Variants in PSG3 observed in about 807,000 individuals in gnomAD.
PSG3 encodes the protein pregnancy specific beta-1-glycoprotein 3.
PSG3 carries 61 observed loss-of-function variants against 47.5 expected under a neutral mutation model. The observed-to-expected ratio is 1.28, with a 90% CI of 1.05 to 1.59. The LOEUF is 1.59. Among genes scored for constraint, PSG3 ranks in the 40% most tolerant of loss-of-function variants. PSG3 has a pLI of 0.00. For synonymous variants in PSG3, 263 were observed against 198.4 expected (o/e 1.33, Z -2.74); for missense variants, 756 against 524.0 (o/e 1.44, Z -4.32).
chr19:42,740,432 C>A lies in PSG3; in HGVS notation c.-48G>T, dbSNP rs1367876829. ...TCCTCTGTGGAGCTGAGCCTAGGAT[C>A]CAGAAACTTCCTGAGCATGGCTCTC... On this transcript the variant is annotated 5_prime_UTR_variant, in exon 1 of 7. Coordinates refer to ENST00000327495, the MANE Select transcript of PSG3 (RefSeq NM_021016.4). 6.2e-7 allele frequency: 1 copy of A among 1,613,574 alleles called. No individual in the cohort carries two copies. Among genetic ancestry groups the A allele is most frequent in the Non-Finnish European group, 8.5e-7 (1 of 1,179,798 alleles).
rs112420536 is a variant in PSG3 at position 42,721,886 on chromosome 19, T to G, written c.*245A>C. 1,319 of 415,138 alleles carry G rather than the reference T, an allele frequency of 3.2e-3. 6 individuals carry two copies. The highest frequency in any genetic ancestry group is 0.011 in the African/African-American group (557 of 48,820). 25.7% of individuals were successfully genotyped at this position (415,138 alleles called of 1,614,324 possible). Reference sequence around the variant, plus strand: ...ACTATTTAGTCCAATAAAATTGGGTTTTTTTCTTTGTCTTGAATTTCATGA... The same window carrying G: ...ACTATTTAGTCCAATAAAATTGGGTGTTTTTCTTTGTCTTGAATTTCATGA... On this transcript the variant is annotated 3_prime_UTR_variant, in exon 7 of 7. Transcript: ENST00000327495.
rs772450674 is a variant in PSG3 at position 42,738,806 on chromosome 19, G to T, written c.348C>A (p.Asp116Glu). ...SLLIQNVTRE[D>E]AGSYTLHIVK... ...CGATGTGTAAGGTGTAGGATCCTGC[G>T]TCCTCCCGGGTGACATTCTGGATCA... The change falls in exon 2 of 7, where the codon GAC (aspartate) becomes GAA (glutamate). Residue 116 changes from aspartate to glutamate, a missense_variant. Transcript: ENST00000327495. 11 of 1,614,066 alleles carry T rather than the reference G, an allele frequency of 6.8e-6. No homozygotes were observed. In the Admixed American group the frequency reaches 1.2e-4, roughly 17 times the overall value.
At chr19:42,722,461 A>G (rs1469969248) in intron 6 of PSG3, among the ~76,000 whole-genome samples, 1 of 152,132 alleles carries the variant, frequency 6.6e-6, no homozygotes, top group Non-Finnish European at 1.5e-5. Flanking sequence ...TCACCGTGTT[A>G]GCCAGGATGG....
chr19:42,724,185 GT>G (rs551827884), intron 5 of PSG3, among the ~76,000 whole-genome samples, 160 bp from the exon 6 acceptor site: 76 of 151,624 alleles, frequency 5.0e-4, no homozygotes, highest in Middle Eastern at 3.4e-3. Context: ...TATTCTTGCA[GT>G]TTTTTTTTCC....
At chr19:42,729,653 G>A (rs372093941) in intron 4 of PSG3, 125 bp downstream of exon 4, 131 of 1,544,862 alleles carry the variant, frequency 8.5e-5, no homozygotes, top group East Asian at 5.8e-4. Context: ...GGAAGTTATG[G>A]CCAGCTCGGA....
rs748536866 is a variant in PSG3 at position 42,729,352 on chromosome 19, G to T, written c.1014C>A (p.Tyr338Ter). The T allele has an allele frequency of 1.9e-6, 3 of 1,613,912 alleles. No individual in the cohort carries two copies. The change falls in exon 5 of 7, where the codon TAC becomes TAA. Residue 338 changes from tyrosine to a stop codon, truncating the protein, a stop_gained. Transcript: ENST00000327495. LOFTEE classifies it high-confidence loss of function. ...VLYGPDLPRIYPSFTYYHSGE... is the reference protein window; with the variant it reads ...VLYGPDLPRI ...CTGAATGGTAATAGGTGAATGAAGG[G>T]TAAATTCTGGGGAGGTCTGGACCAT...
intron 5 of PSG3, among the ~76,000 whole-genome samples, chr19:42,725,846 C>T (rs1424187827): frequency 1.4e-5 from 2 of 142,196 alleles, no homozygotes; most frequent in African/African-American, 2.8e-5. Flanking sequence ...CCTGGGCTGG[C>T]CTACAGAGTG....
Position 42,729,196 on chromosome 19 carries a change from C to T in PSG3, c.1170G>A (p.Gly390=). 4 of 1,613,970 alleles carry T rather than the reference C, an allele frequency of 2.5e-6. No individual in the cohort carries two copies. The highest frequency in any genetic ancestry group is 1.7e-6 in the Non-Finnish European group (2 of 1,179,864). The change falls in exon 5 of 7, where the codon GGG becomes GGA. Residue 390 remains glycine, a synonymous_variant. Transcript: ENST00000327495. ...AGTTACGAACAGAGCAAGCATAGAG[C>T]CCGCTATGCTTTGTAGTAATCTGGG... is the stretch of plus-strand genomic sequence containing the variant. ...FIPQITTKHS[G]LYACSVRNSA... is the part of the protein sequence containing the mutation.
chr19:42,733,229 A>G (rs1308706403), intron 2 of PSG3, among the ~76,000 whole-genome samples, 167 bp from the exon 3 acceptor site: 2 of 152,116 alleles, frequency 1.3e-5, no homozygotes, highest in Non-Finnish European at 2.9e-5. Flanking sequence ...CTGAGGGCTC[A>G]GAGATTGTGA....
chr19:42,731,606 A>ATTAT (rs1218771481), intron 3 of PSG3, among the ~76,000 whole-genome samples: 4 of 151,918 alleles, frequency 2.6e-5, no homozygotes, highest in Admixed American at 2.6e-4. Flanking sequence ...TGTGGCAGTC[A>ATTAT]TTAATAAGAG....
chr19:42,737,973 C>T (rs1364377811), intron 2 of PSG3, among the ~76,000 whole-genome samples: 1 of 152,232 alleles, frequency 6.6e-6, no homozygotes, highest in African/African-American at 2.4e-5. Context: ...CATGAGAAAG[C>T]ACCTTTATGT....
chr19:42,727,539 C>T (rs1293298022), intron 5 of PSG3, among the ~76,000 whole-genome samples: 1 of 152,098 alleles, frequency 6.6e-6, no homozygotes, highest in Non-Finnish European at 1.5e-5. Flanking sequence ...TGGAGATATG[C>T]AAATCAAAAC....
intron 2 of PSG3, among the ~76,000 whole-genome samples, chr19:42,737,503 T>C (rs1396815293): frequency 2.0e-5 from 3 of 151,976 alleles, no homozygotes. Context: ...GGTTCAGTGA[T>C]GGTGGTTAAG....
chr19:42,723,991 A>C lies in PSG3; in HGVS notation c.1278T>G (p.Asn426Lys). 1 of 1,611,516 alleles carries C rather than the reference A, an allele frequency of 6.2e-7. No individual in the cohort carries two copies. Among genetic ancestry groups the C allele is most frequent in the Non-Finnish European group, 8.5e-7 (1 of 1,177,584 alleles). ...PSGTGHLPGL[N>K]PL ...AATGACATCACGGCTGCTATAATGG[A>C]TTAAGGCCAGGAAGATGTCCTGTTC... is the stretch of plus-strand genomic sequence containing the variant. Residue 426 changes from asparagine (N) to lysine (K), a missense_variant, in exon 6 of 7, where the codon AAT (asparagine) becomes AAG (lysine). Coordinates refer to ENST00000327495, the MANE Select transcript of PSG3 (RefSeq NM_021016.4).
At chr19:42,730,624 C>T (rs1568749824) in intron 3 of PSG3, among the ~76,000 whole-genome samples, 3 of 152,206 alleles carry the variant, frequency 2.0e-5, no homozygotes. Context: ...GTTCAGTCAT[C>T]AGGCAGTGGA....
At chr19:42,731,002 C>G (rs1208772486) in intron 3 of PSG3, among the ~76,000 whole-genome samples, 1 of 152,208 alleles carries the variant, frequency 6.6e-6, no homozygotes, top group Non-Finnish European at 1.5e-5. Context: ...TTTCATTGGA[C>G]ATTCTACTCA....
chr19:42,731,464 A>C (rs1969472346), intron 3 of PSG3, among the ~76,000 whole-genome samples: 2 of 152,148 alleles, frequency 1.3e-5, no homozygotes, highest in East Asian at 3.9e-4. Context: ...GTTTTCGGTG[A>C]ATTCCATACT....
rs1431512278 is a variant in PSG3, at chr19:42,732,911, C to A, written c.582G>T (p.Gln194His). 1.9e-6 allele frequency: 3 copies of A among 1,614,028 alleles called. No individual in the cohort carries two copies. Among genetic ancestry groups the A allele is most frequent in the East Asian group, 2.2e-5 (1 of 44,898 alleles). Residue 194 changes from glutamine to histidine, a missense_variant, in exon 3 of 7, where the codon CAG (glutamine) becomes CAT (histidine). Transcript: ENST00000327495. ...GQSLPMTHSL[Q>H]LSKNKRTLFL... ...AGAGGGTCCTTTTGTTTTTGGACAA[C>A]TGCAAGCTGTGAGTCATAGGGAGGC...
chr19:42,731,865 T>A (rs1366799879), intron 3 of PSG3: 1 of 151,196 alleles, frequency 6.6e-6, no homozygotes, highest in East Asian at 1.9e-4. Flanking sequence ...TTTCAAAATA[T>A]TTTATTCCTT....
Sources: gnomAD v4.1 joint callset for allele counts (sites outside exome capture counted in the v4.1 genomes callset) on GRCh38, gnomAD v4.1.1 for gene constraint, MANE v1.5 for transcripts, NCBI Gene and HGNC (gene_info 2026-07-23, HGNC 2026-07-21) for gene names.